CSMD1: variants seen among roughly 807,000 people sequenced by gnomAD.
The protein encoded by CSMD1 is CUB and sushi domain-containing protein 1.
In CSMD1, 213 loss-of-function variants were observed where a neutral mutation model predicts 417.5. The observed-to-expected ratio is 0.51, with a 90% CI of 0.46 to 0.57. The LOEUF (loss-of-function observed/expected upper bound fraction) is 0.57, where lower values mean the gene tolerates loss of function less well. Among genes scored for constraint, CSMD1 ranks in the 20% least tolerant of loss-of-function variants. The pLI is 0.00. For synonymous variants in CSMD1, 2,862 were observed against 1,736.8 expected (o/e 1.65, Z -16.11); for missense variants, 6,923 against 4,529.7 (o/e 1.53, Z -15.17).
At chr8:4,969,843 TCTTTA>T (rs1656597743) in intron 1 of CSMD1, among the ~76,000 whole-genome samples, 2 of 152,068 alleles carry the variant, frequency 1.3e-5, no homozygotes, top group South Asian at 2.1e-4. Flanking sequence ...ATTTTCTCTC[TCTTTA>T]CTTAAACAAG....
chr8:4,672,393 C>G (rs1805386412), intron 1 of CSMD1, among the ~76,000 whole-genome samples: 1 of 152,152 alleles, frequency 6.6e-6, no homozygotes, highest in South Asian at 2.1e-4. Flanking sequence ...TGTTCACATT[C>G]TCACACTTTG....
At chr8:4,358,840 T>A (rs556658226) in intron 3 of CSMD1, among the ~76,000 whole-genome samples, 3 of 152,106 alleles carry the variant, frequency 2.0e-5, no homozygotes, top group Non-Finnish European at 4.4e-5. Context: ...TTGGTTTCAG[T>A]GCTCAAATAA....
chr8:3,983,135 C>CT (rs201667296), intron 5 of CSMD1, among the ~76,000 whole-genome samples: 35,473 of 133,496 alleles, frequency 0.27, 4,965 homozygotes, highest in East Asian at 0.4. Context: ...ATCTTTCTTT[C>CT]TTTTTTTTTT....
chr8:4,192,461 T>C (rs574922466), intron 3 of CSMD1, among the ~76,000 whole-genome samples: 19 of 152,208 alleles, frequency 1.2e-4, no homozygotes, highest in African/African-American at 3.9e-4. Flanking sequence ...TCTCCGTGAA[T>C]CTCGGTAGCA....
intron 3 of CSMD1, among the ~76,000 whole-genome samples, chr8:4,351,920 G>A (rs904010882): frequency 1.3e-5 from 2 of 149,280 alleles, no homozygotes; most frequent in Non-Finnish European, 3.0e-5. Flanking sequence ...TAGAAACACT[G>A]ACATTCAAGG....
intron 3 of CSMD1, among the ~76,000 whole-genome samples, chr8:4,205,426 C>G (rs7832911): frequency 7.7e-4 from 118 of 152,296 alleles, no homozygotes; most frequent in African/African-American, 2.8e-3. Context: ...TATCACCAAA[C>G]TGATATTTAT....
At chr8:4,622,172 TAAA>T (rs397969991) in intron 2 of CSMD1, among the ~76,000 whole-genome samples, 1 of 131,590 alleles carries the variant, frequency 7.6e-6, no homozygotes, top group Admixed American at 7.7e-5. Context: ...TAAAGAGAAT[TAAA>T]AAAAAAAAAA....
intron 26 of CSMD1, among the ~76,000 whole-genome samples, chr8:3,282,001 G>A (rs190159312): frequency 3.9e-5 from 6 of 152,250 alleles, no homozygotes; most frequent in Admixed American, 1.3e-4. Flanking sequence ...AGATGTGACT[G>A]CTTCCCCTTT....
intron 10 of CSMD1, among the ~76,000 whole-genome samples, chr8:3,507,100 T>A (rs1329941189): frequency 6.6e-6 from 1 of 152,160 alleles, no homozygotes; most frequent in Non-Finnish European, 1.5e-5. Context: ...ATAATTACTA[T>A]TATTATAAAA....
At chr8:4,043,804 T>C (rs1162123503) in intron 3 of CSMD1, among the ~76,000 whole-genome samples, 3 of 152,196 alleles carry the variant, frequency 2.0e-5, no homozygotes, top group African/African-American at 7.2e-5. Context: ...TTTCAAACCT[T>C]ACACGTCTCC....
chr8:3,761,737 C>A (rs1250306500), intron 5 of CSMD1, among the ~76,000 whole-genome samples: 1 of 152,094 alleles, frequency 6.6e-6, no homozygotes, highest in Non-Finnish European at 1.5e-5. Context: ...AACTTCTGAT[C>A]TCAGGTGATC....
At chr8:4,206,938 G>C (rs1165814067) in intron 3 of CSMD1, among the ~76,000 whole-genome samples, 1 of 152,066 alleles carries the variant, frequency 6.6e-6, no homozygotes, top group Non-Finnish European at 1.5e-5. Flanking sequence ...CCTCCTCTTT[G>C]AATGGATAAA....
chr8:4,647,677 GTTC>G (rs1803622962), intron 1 of CSMD1, among the ~76,000 whole-genome samples: 1 of 151,954 alleles, frequency 6.6e-6, no homozygotes, highest in African/African-American at 2.4e-5. Flanking sequence ...TTGGTTTTCT[GTTC>G]TTGTGTTGGT....
At chr8:3,943,376 G>T (rs1348902174) in intron 5 of CSMD1, among the ~76,000 whole-genome samples, 3 of 144,192 alleles carry the variant, frequency 2.1e-5, no homozygotes, top group African/African-American at 7.7e-5. Context: ...AAAAAAGTCA[G>T]ATAGCTAAGT....
chr8:4,676,270 C>G (rs914131304), intron 1 of CSMD1, among the ~76,000 whole-genome samples: 20 of 152,130 alleles, frequency 1.3e-4, no homozygotes, highest in Non-Finnish European at 4.4e-5. Flanking sequence ...CACCCTCCCT[C>G]TATATATTAA....
intron 3 of CSMD1, among the ~76,000 whole-genome samples, chr8:4,037,957 T>C (rs1797703129): frequency 1.3e-5 from 2 of 152,184 alleles, no homozygotes; most frequent in Non-Finnish European, 2.9e-5. Flanking sequence ...GGACAAAATG[T>C]TATTTTAGAA....
intron 3 of CSMD1, among the ~76,000 whole-genome samples, chr8:4,104,481 T>C (rs1182252058): frequency 6.6e-6 from 1 of 152,234 alleles, no homozygotes; most frequent in Non-Finnish European, 1.5e-5. Context: ...TATTTGACTC[T>C]ATTGAATTTT....
At chr8:3,494,738 G>C (rs533772200) in intron 10 of CSMD1, among the ~76,000 whole-genome samples, 4 of 152,150 alleles carry the variant, frequency 2.6e-5, no homozygotes, top group Non-Finnish European at 4.4e-5. Context: ...CAGAGGGTGT[G>C]AGAAAGGAAG....
intron 1 of CSMD1, among the ~76,000 whole-genome samples, chr8:4,861,430 C>T (rs539455324): frequency 5.9e-5 from 9 of 152,162 alleles, no homozygotes; most frequent in South Asian, 4.1e-4. Context: ...GTGAAGAAAG[C>T]GACCAGAGTT....
Sources: gnomAD v4.1 joint callset for allele counts (sites outside exome capture counted in the v4.1 genomes callset) on GRCh38, gnomAD v4.1.1 for gene constraint, MANE v1.5 for transcripts, NCBI Gene and HGNC (gene_info 2026-07-23, HGNC 2026-07-21) for gene names.